TRPM7: variants seen among roughly 807,000 people sequenced by gnomAD.
TRPM7 encodes the protein transient receptor potential cation channel subfamily M member 7.
TRPM7 carries 134 observed loss-of-function variants against 229.7 expected under a neutral mutation model. That is an observed-to-expected ratio of 0.58 (90% CI 0.51 to 0.67). TRPM7 has a LOEUF of 0.67. Ranked by LOEUF, TRPM7 falls within the 30% of genes least tolerant of loss-of-function variation. TRPM7 has a pLI of 0.00. For synonymous variants in TRPM7, 699 were observed against 715.2 expected, an observed-to-expected ratio of 0.98 and a Z score of 0.36; for missense variants, 1,901 against 2,210.0, an observed-to-expected ratio of 0.86 and a Z score of 2.80.
At chr15:50,608,026 G>C (rs2059965515) in intron 19 of TRPM7, among the ~76,000 whole-genome samples, 2 of 139,636 alleles carry the variant, frequency 1.4e-5, no homozygotes, top group Non-Finnish European at 3.0e-5. Flanking sequence ...TTGTACTCTA[G>C]CCTGGGCAAC....
chr15:50,562,764 T>G (rs1307747551), intron 38 of TRPM7, among the ~76,000 whole-genome samples: 2 of 144,122 alleles, frequency 1.4e-5, no homozygotes, highest in African/African-American at 5.2e-5. Context: ...CAGAGTGAGA[T>G]CCTGTCTCAA....
chr15:50,591,159 G>C (rs914136768), intron 26 of TRPM7, among the ~76,000 whole-genome samples: 5 of 152,068 alleles, frequency 3.3e-5, no homozygotes, highest in African/African-American at 9.7e-5. Context: ...TACACCATAA[G>C]TACTAATTTT....
rs77673103 is a variant in TRPM7, at chr15:50,568,160, C to T, written c.5467+1727G>A. ...AGGAGTAGAAGGAAATTTCTTCAGC[C>T]TCATAAAGTGCATCTACAAAATCCT... On this transcript the variant is annotated intron_variant, in intron 38 of 38. Coordinates refer to ENST00000646667, the MANE Select transcript of TRPM7 (RefSeq NM_017672.6). Among the ~76,000 whole-genome samples the T allele has an allele frequency of 8.6e-3, 1,268 of 148,172 alleles. 28 individuals are homozygous for T. Among genetic ancestry groups the T allele is most frequent in the African/African-American group, 0.03 (1,221 of 40,366 alleles).
At chr15:50,661,665 T>C (rs886326113) in intron 2 of TRPM7, among the ~76,000 whole-genome samples, 1 of 152,222 alleles carries the variant, frequency 6.6e-6, no homozygotes, top group African/African-American at 2.4e-5. Flanking sequence ...AGATATCAGT[T>C]AGTAAAAACT....
At chr15:50,622,863 G>A (rs2060451076) in intron 12 of TRPM7, among the ~76,000 whole-genome samples, 2 of 151,944 alleles carry the variant, frequency 1.3e-5, no homozygotes, top group Admixed American at 1.3e-4. Flanking sequence ...TCCAGCTTGG[G>A]CAACAGAGTG....
chr15:50,574,025 C>G (rs1028006083), intron 36 of TRPM7, among the ~76,000 whole-genome samples: 1 of 150,260 alleles, frequency 6.7e-6, no homozygotes, highest in Non-Finnish European at 1.5e-5. Context: ...CCACTACACT[C>G]CAGCCTGGGT....
chr15:50,631,290 C>T lies in TRPM7; in HGVS notation c.1204+127G>A, dbSNP rs1596254774. On this transcript the variant is annotated intron_variant, in intron 10 of 38. Transcript: ENST00000646667. ...ACAAAGAAAAATGACTGAAAATTCA[C>T]TTTGCAAGCATTTAGCCATGGTAAA... 12 of 446,756 alleles carry T rather than the reference C, an allele frequency of 2.7e-5. No homozygotes were observed. In the East Asian group the frequency reaches 4.2e-4, roughly 16 times the overall value. 27.7% of individuals were successfully genotyped at this position (446,756 alleles called of 1,614,324 possible). A position where few individuals can be genotyped will look rare whatever the true frequency, so the allele number is the denominator to read the frequency against.
intron 3 of TRPM7, among the ~76,000 whole-genome samples, chr15:50,654,585 A>C (rs1037670212): frequency 6.6e-6 from 1 of 151,664 alleles, no homozygotes; most frequent in African/African-American, 2.4e-5. Flanking sequence ...GCTGAAGGGC[A>C]TACAGGAATA....
chr15:50,637,350 A>G (rs1187880902), intron 7 of TRPM7, 72 bp downstream of exon 7: 5 of 1,391,400 alleles, frequency 3.6e-6, no homozygotes, highest in Non-Finnish European at 4.9e-6. Flanking sequence ...AGAACATTCT[A>G]CTTTCTTTGA....
intron 1 of TRPM7, among the ~76,000 whole-genome samples, chr15:50,679,526 ATATATATATATATT>A (rs2062191199): frequency 2.2e-5 from 1 of 46,196 alleles, no homozygotes; most frequent in African/African-American, 1.1e-4. Context: ...ATATATATAT[ATATATATATATATT>A]TTTTTTTTTT....
intron 24 of TRPM7, 104 bp downstream of exon 24, chr15:50,594,325 C>A: frequency 9.3e-7 from 1 of 1,078,424 alleles, no homozygotes; most frequent in South Asian, 1.5e-5. Flanking sequence ...TCTACCATAA[C>A]ATTAATCCAC....
At position 50,594,447 on chromosome 15, in the gene TRPM7, T is replaced by C. The variant is rs763679234; in HGVS notation, c.3457A>G (p.Lys1153Glu). ...TACTTACTTGGTCCATCGGAAGTCT[T>C]ATCTTTCTTTCTTCTCTTACATATG... ...CCICKRRKKD[K>E]TSDGPKLFLT... Residue 1153 changes from lysine (K) to glutamate (E), a missense_variant, in exon 24 of 39, where the codon AAG becomes GAG. By Grantham distance (56) the Lys-to-Glu change is moderately conservative. Around this residue, in one of 8 missense-constraint regions of TRPM7, gnomAD observed 533 missense variants for 497.1 expected, o/e 1.07. Coordinates refer to ENST00000646667, the MANE Select transcript of TRPM7 (RefSeq NM_017672.6). 6.2e-7 allele frequency: 1 copy of C among 1,610,954 alleles called. No homozygotes were observed. Among genetic ancestry groups the C allele is most frequent in the Non-Finnish European group, 8.5e-7 (1 of 1,179,150 alleles).
intron 5 of TRPM7, among the ~76,000 whole-genome samples, chr15:50,640,396 C>A (rs191112621): frequency 6.6e-6 from 1 of 151,916 alleles, no homozygotes; most frequent in Admixed American, 6.6e-5. Flanking sequence ...CCCACCTCAG[C>A]CTCCCAAGTA....
In TRPM7 at chr15:50,591,326, G is replaced by GT. The variant is rs1234286184; in HGVS notation, c.4324+584dup. 3.3e-5 allele frequency among the ~76,000 whole-genome samples: 5 copies of GT among 152,150 alleles called. No homozygotes were observed. The East Asian group carries it at 9.6e-4, about 29-fold the overall frequency. On this transcript the variant is annotated intron_variant, in intron 26 of 38. Transcript: ENST00000646667. Reference sequence around the variant, plus strand: ...AGTTGATTCTAACCTCCCCTATGAGGTTCTCCAAGTACTTAAGAATCACTT... The same window carrying GT: ...AGTTGATTCTAACCTCCCCTATGAGGTTTCTCCAAGTACTTAAGAATCACTT...
intron 22 of TRPM7, among the ~76,000 whole-genome samples, chr15:50,598,378 C>T (rs2059686630): frequency 6.6e-6 from 1 of 152,092 alleles, no homozygotes; most frequent in Non-Finnish European, 1.5e-5. Context: ...ATTCTAAGAA[C>T]AGGGTTGAAT....
chr15:50,669,208 G>A (rs2061940666), intron 1 of TRPM7, among the ~76,000 whole-genome samples: 3 of 152,266 alleles, frequency 2.0e-5, no homozygotes, highest in African/African-American at 7.2e-5. Context: ...TTGGGAGGCT[G>A]AGGTAGGTGG....
chr15:50,640,457 T>A (rs57306884), intron 5 of TRPM7, among the ~76,000 whole-genome samples: 3 of 148,724 alleles, frequency 2.0e-5, no homozygotes, highest in Non-Finnish European at 4.5e-5. Flanking sequence ...TTTTTTCTTT[T>A]TTTTTTTTTT....
At chr15:50,607,085 C>T (rs1013141905) in intron 20 of TRPM7, 115 bp downstream of exon 20, 4 of 899,374 alleles carry the variant, frequency 4.4e-6, no homozygotes, top group African/African-American at 3.4e-5. Context: ...TTCTACACTT[C>T]TACAATGTCA....
intron 38 of TRPM7, among the ~76,000 whole-genome samples, chr15:50,562,731 C>A (rs1284434150): frequency 1.3e-5 from 2 of 150,978 alleles, no homozygotes; most frequent in South Asian, 2.1e-4. Flanking sequence ...CAAGATCATG[C>A]CACTGTACTT....
Sources: gnomAD v4.1 joint callset for allele counts (sites outside exome capture counted in the v4.1 genomes callset) on GRCh38, gnomAD v4.1.1 for gene constraint, gnomAD v4.1.1 regional missense constraint, MANE v1.5 for transcripts, NCBI Gene and HGNC (gene_info 2026-07-23, HGNC 2026-07-21) for gene names.